Variants in HMGA2 observed in about 807,000 individuals in gnomAD.
HMGA2 encodes high mobility group AT-hook 2, also known as high mobility group protein HMGI-C.
Under a neutral mutation model 19.1 loss-of-function variants are expected in HMGA2, and 8 were observed. The observed-to-expected ratio is 0.42, with a 90% CI of 0.25 to 0.76. The LOEUF is 0.76. HMGA2 is among the 30% of genes least tolerant of loss of function. The pLI, the probability that HMGA2 is intolerant of heterozygous loss-of-function variation, is 0.28. For missense variants in HMGA2, 109 were observed against 136.3 expected, an observed-to-expected ratio of 0.80 and a Z score of 1.00; for synonymous variants, 60 against 48.8, an observed-to-expected ratio of 1.23 and a Z score of -0.96.
chr12:65,919,821 G>T (rs1875238770), intron 3 of HMGA2, among the ~76,000 whole-genome samples: 1 of 152,154 alleles, frequency 6.6e-6, no homozygotes, highest in Admixed American at 6.5e-5. Context: ...TTTATTTGTG[G>T]CTTATTTAAT....
intron 3 of HMGA2, chr12:65,874,198 A>G (rs1872854571): frequency 6.6e-6 from 1 of 151,688 alleles, no homozygotes; most frequent in African/African-American, 2.4e-5. Context: ...ACCTACAAGA[A>G]AAGAAAACTT....
chr12:65,890,222 T>G (rs1300649889), intron 3 of HMGA2, among the ~76,000 whole-genome samples: 1 of 152,178 alleles, frequency 6.6e-6, no homozygotes, highest in Admixed American at 6.5e-5. Flanking sequence ...GGCCACTATT[T>G]AAAACATTGT....
intron 2 of HMGA2, among the ~76,000 whole-genome samples, chr12:65,831,292 CT>C (rs1680341789): frequency 6.6e-6 from 1 of 151,604 alleles, no homozygotes; most frequent in African/African-American, 2.4e-5. Flanking sequence ...TTTTGTTGTA[CT>C]TTTTTAATCA....
At chr12:65,857,790 T>C (rs896578723) in intron 3 of HMGA2, 7 of 152,246 alleles carry the variant, frequency 4.6e-5, no homozygotes, top group African/African-American at 1.7e-4. Context: ...TAAATTAATG[T>C]CTTTTAGCTT....
At chr12:65,892,304 G>A (rs1873943828) in intron 3 of HMGA2, among the ~76,000 whole-genome samples, 1 of 152,138 alleles carries the variant, frequency 6.6e-6, no homozygotes, top group African/African-American at 2.4e-5. Flanking sequence ...TCTTTTTATA[G>A]TACAGGCATG....
intron 3 of HMGA2, among the ~76,000 whole-genome samples, chr12:65,860,454 T>C (rs779807496): frequency 6.6e-6 from 1 of 152,236 alleles, no homozygotes; most frequent in Non-Finnish European, 1.5e-5. Flanking sequence ...AGGGACTGTC[T>C]GTATGAATGC....
Position 65,825,182 on chromosome 12 carries a change from TATCA to T in HMGA2, c.-88_-85del. ...CTCGCCCCGCCGGCGTCCCCAGCCCTATCACCTCATCTCCCGAAAGGTGCTGGGC... is the reference window on the plus strand; with the variant it reads ...CTCGCCCCGCCGGCGTCCCCAGCCCTCCTCATCTCCCGAAAGGTGCTGGGC... On this transcript the variant is annotated 5_prime_UTR_variant, in exon 1 of 5. Transcript: ENST00000403681. This position sits in a 1 kb window ranked among gnomAD's most constrained non-coding sequence, Gnocchi z 4.4. 1 of 1,206,858 alleles carries T rather than the reference TATCA, an allele frequency of 8.3e-7. No homozygotes were observed. Among genetic ancestry groups the T allele is most frequent in the South Asian group, 1.4e-5 (1 of 73,438 alleles). 74.8% of individuals were successfully genotyped at this position (1,206,858 alleles called of 1,614,324 possible).
At chr12:65,909,101 C>T (rs556545863) in intron 3 of HMGA2, among the ~76,000 whole-genome samples, 2 of 152,208 alleles carry the variant, frequency 1.3e-5, no homozygotes, top group African/African-American at 4.8e-5. Flanking sequence ...CTTTAATTTG[C>T]TTATTATGCT....
intron 3 of HMGA2, among the ~76,000 whole-genome samples, chr12:65,888,624 C>A (rs552016831): frequency 1.9e-5 from 2 of 107,586 alleles, no homozygotes; most frequent in African/African-American, 7.4e-5. Flanking sequence ...AGTGCAGTGG[C>A]GCGATCTCTG....
chr12:65,826,773 C>T (rs1216004310), intron 1 of HMGA2: 1 of 136,978 alleles, frequency 7.3e-6, no homozygotes, highest in Admixed American at 7.0e-5. Flanking sequence ...ACTAATTGCC[C>T]CCCCTCCAAA....
At chr12:65,849,734 G>GTTTTTTTTTTTTTT (rs1309933646) in intron 3 of HMGA2, among the ~76,000 whole-genome samples, 2 of 102,032 alleles carry the variant, frequency 2.0e-5, no homozygotes, top group African/African-American at 5.9e-5. Flanking sequence ...GGTAGGCTCT[G>GTTTTTTTTTTTTTT]TATTTTTTTT....
chr12:65,954,157 C>G (rs527582996), intron 4 of HMGA2: 5 of 152,274 alleles, frequency 3.3e-5, no homozygotes, highest in East Asian at 1.9e-4. Flanking sequence ...TTCCCTTACT[C>G]CCAAGAACAT....
At chr12:65,949,512 A>G (rs1016077256) in intron 3 of HMGA2, among the ~76,000 whole-genome samples, 4 of 152,222 alleles carry the variant, frequency 2.6e-5, no homozygotes, top group African/African-American at 9.6e-5. Flanking sequence ...CGATGTGTAG[A>G]TAGAATAATA....
chr12:65,879,076 G>A (rs990993967), intron 3 of HMGA2, among the ~76,000 whole-genome samples: 1 of 152,074 alleles, frequency 6.6e-6, no homozygotes, highest in African/African-American at 2.4e-5. Flanking sequence ...CTTAATTCTG[G>A]TATGTACATC....
chr12:65,867,144 A>G (rs343087), intron 3 of HMGA2, among the ~76,000 whole-genome samples: 97,126 of 152,142 alleles, frequency 0.64, 37,750 homozygotes, highest in Non-Finnish European at 0.86. Flanking sequence ...AAAAACATTG[A>G]CACTAAATTG....
chr12:65,863,124 G>T (rs1227939775), intron 3 of HMGA2, among the ~76,000 whole-genome samples: 1 of 152,218 alleles, frequency 6.6e-6, no homozygotes, highest in Non-Finnish European at 1.5e-5. Context: ...CAGCACTTAA[G>T]TAGAGCTGGG....
intron 3 of HMGA2, among the ~76,000 whole-genome samples, chr12:65,868,432 C>T (rs1041301594): frequency 6.6e-6 from 1 of 151,998 alleles, no homozygotes; most frequent in Non-Finnish European, 1.5e-5. Flanking sequence ...TAAATATCAT[C>T]CCGGATGCAG....
Position 65,848,622 on chromosome 12 carries a change from C to T in HMGA2, c.249+10053C>T, listed in dbSNP as rs554018115. Reference sequence around the variant, plus strand: ...CTGTAATCCCAGCACTTTGGGAGGCCGAGGCGGGTGGATCATGAGGTCAGG... The same window carrying T: ...CTGTAATCCCAGCACTTTGGGAGGCTGAGGCGGGTGGATCATGAGGTCAGG... On this transcript the variant is annotated intron_variant, in intron 3 of 4. Coordinates refer to ENST00000403681, the MANE Select transcript of HMGA2 (RefSeq NM_003483.6). Among the ~76,000 whole-genome samples the T allele has an allele frequency of 2.0e-5, 3 of 151,836 alleles. No homozygotes were observed. The South Asian group carries it at 6.2e-4, about 32-fold the overall frequency.
intron 3 of HMGA2, among the ~76,000 whole-genome samples, chr12:65,914,567 G>A (rs964577250): frequency 2.0e-5 from 3 of 151,626 alleles, no homozygotes; most frequent in South Asian, 2.1e-4. Context: ...TGGGTGCAGC[G>A]CACCAGCACG....
Sources: allele counts gnomAD v4.1 joint callset (sites outside exome capture counted in the v4.1 genomes callset), GRCh38; gene constraint gnomAD v4.1.1; non-coding constraint Gnocchi (gnomAD v3.1); transcripts MANE v1.5; gene names NCBI Gene and HGNC (gene_info 2026-07-23, HGNC 2026-07-21).